The following CREB5 variants were observed in gnomAD, a reference collection of about 807,000 sequenced individuals.
CREB5 encodes cAMP responsive element binding protein 5.
In CREB5, 19 loss-of-function variants were observed where a neutral mutation model predicts 57.1. The ratio of observed to expected loss-of-function variants is 0.33; its 90% CI spans 0.23 to 0.49. The LOEUF (loss-of-function observed/expected upper bound fraction) is 0.49. CREB5 is among the 20% of genes least tolerant of loss of function. The pLI is 0.99. For synonymous variants in CREB5, 238 were observed against 238.3 expected, an observed-to-expected ratio of 1.00 and a Z score of 0.01; for missense variants, 579 against 671.6, an observed-to-expected ratio of 0.86 and a Z score of 1.52.
intron 1 of CREB5, among the ~76,000 whole-genome samples, chr7:28,354,467 T>C (rs556317658): frequency 6.6e-6 from 1 of 152,328 alleles, no homozygotes; most frequent in East Asian, 1.9e-4. Context: ...GGACTCAAAC[T>C]GGCTCTCCTT....
chr7:28,702,486 T>C (rs1801911898), intron 5 of CREB5, among the ~76,000 whole-genome samples: 1 of 152,238 alleles, frequency 6.6e-6, no homozygotes, highest in African/African-American at 2.4e-5. Context: ...TGCTCACTTA[T>C]GTTGGATCAA....
At chr7:28,757,785 AT>A (rs1282790336) in intron 7 of CREB5, among the ~76,000 whole-genome samples, 1 of 151,986 alleles carries the variant, frequency 6.6e-6, no homozygotes, top group African/African-American at 2.4e-5. Flanking sequence ...CAGATTTCAG[AT>A]TTTTTTCAGA....
chr7:28,372,586 G>A (rs1786729874), intron 1 of CREB5, among the ~76,000 whole-genome samples: 1 of 152,184 alleles, frequency 6.6e-6, no homozygotes, highest in Admixed American at 6.5e-5. Context: ...ATTTAACTGG[G>A]ACGATAGTGT....
At chr7:28,516,466 C>G (rs35298927) in intron 4 of CREB5, among the ~76,000 whole-genome samples, 1 of 151,834 alleles carries the variant, frequency 6.6e-6, no homozygotes, top group South Asian at 2.1e-4. Context: ...AATAAATGAC[C>G]GAAAAAAGAA....
In CREB5 at chr7:28,430,038, A is replaced by C. The variant is rs149929836; in HGVS notation, c.3+17121A>C. Among the ~76,000 whole-genome samples the C allele has an allele frequency of 7.3e-3, 1,113 of 152,330 alleles. 10 individuals are homozygous for C. The highest frequency in any genetic ancestry group is 0.013 in the Non-Finnish European group (885 of 68,028). ...TTTGTCAGCATAGGGCTGTATGTAA[A>C]ACAGGATTACATGAGGGAATTATAT... On this transcript the variant is annotated intron_variant, in intron 1 of 10. Transcript: ENST00000357727.
chr7:28,624,998 A>ATT lies in CREB5; in HGVS notation c.464+54478_464+54479dup, dbSNP rs10603623. ...GGTACAGTAGTATCCACCATGTTGGATTTTTTTTTTTTTTTTTTGGTGAGG... is the reference window on the plus strand; with the variant it reads ...GGTACAGTAGTATCCACCATGTTGGATTTTTTTTTTTTTTTTTTTTGGTGAGG... On this transcript the variant is annotated intron_variant, in intron 5 of 10. Transcript: ENST00000357727. 2.1e-3 allele frequency among the ~76,000 whole-genome samples: 286 copies of ATT among 138,382 alleles called. 1 individual carries two copies. Among genetic ancestry groups the ATT allele is most frequent in the Middle Eastern group, 3.6e-3 (1 of 276 alleles). 90.8% of individuals were successfully genotyped at this position (138,382 alleles called of 152,430 possible). A position where few individuals can be genotyped will look rare whatever the true frequency, so the allele number is the denominator to read the frequency against.
upstream of CREB5, chr7:28,410,909 C>T (rs1019376400): frequency 6.5e-5 from 18 of 276,906 alleles, no homozygotes; most frequent in African/African-American, 3.9e-4. Context: ...TCTTTATTGC[C>T]CTCTCTTCCC....
chr7:28,413,027 T>C, intron 1 of CREB5, 110 bp downstream of exon 1: 9 of 1,049,714 alleles, frequency 8.6e-6, no homozygotes, highest in Non-Finnish European at 1.2e-5. Flanking sequence ...GAGTTTAGAT[T>C]TTGCACAAAA....
intron 7 of CREB5, among the ~76,000 whole-genome samples, chr7:28,739,896 C>T (rs1316841851): frequency 6.6e-6 from 1 of 152,224 alleles, no homozygotes; most frequent in Non-Finnish European, 1.5e-5. Flanking sequence ...AGGCTCTCCC[C>T]ACTGGCATAT....
At chr7:28,743,598 G>A (rs553858764) in intron 7 of CREB5, among the ~76,000 whole-genome samples, 71 of 152,230 alleles carry the variant, frequency 4.7e-4, no homozygotes, top group African/African-American at 1.4e-3. Context: ...GTTTGTTAGC[G>A]ATATCCCAAC....
intron 1 of CREB5, among the ~76,000 whole-genome samples, chr7:28,342,860 T>C (rs1232695519): frequency 6.6e-6 from 1 of 152,244 alleles, no homozygotes; most frequent in Admixed American, 6.5e-5. Context: ...ATCAGGGTAG[T>C]TAGCATGTCT....
chr7:28,792,579 C>T (rs528314185), intron 7 of CREB5, among the ~76,000 whole-genome samples: 6 of 152,340 alleles, frequency 3.9e-5, no homozygotes, highest in Middle Eastern at 3.4e-3. Flanking sequence ...ACTTTCTAGA[C>T]ACACACACGG....
intron 1 of CREB5, among the ~76,000 whole-genome samples, chr7:28,442,261 A>T (rs1161487135): frequency 1.3e-5 from 2 of 152,120 alleles, no homozygotes; most frequent in Non-Finnish European, 2.9e-5. Context: ...TGTTCTGTGA[A>T]TGACAGGATT....
At chr7:28,735,561 A>G (rs547497115) in intron 7 of CREB5, among the ~76,000 whole-genome samples, 3 of 152,314 alleles carry the variant, frequency 2.0e-5, no homozygotes, top group Admixed American at 1.3e-4. Flanking sequence ...GTTAAACAGA[A>G]AATATAAGGA....
chr7:28,299,588 C>T (rs1276313127), intron 1 of CREB5: 1 of 152,176 alleles, frequency 6.6e-6, no homozygotes, highest in African/African-American at 2.4e-5. Context: ...AGATATGGAA[C>T]ATTTCCCTCA....
At chr7:28,406,662 C>T (rs1037147230) in intron 1 of CREB5, among the ~76,000 whole-genome samples, 1 of 152,234 alleles carries the variant, frequency 6.6e-6, no homozygotes, top group Admixed American at 6.5e-5. Flanking sequence ...CCATGGCCAC[C>T]GCCAGTGGAG....
chr7:28,300,344 T>A (rs1043373751), intron 1 of CREB5, among the ~76,000 whole-genome samples: 2 of 152,224 alleles, frequency 1.3e-5, no homozygotes, highest in African/African-American at 4.8e-5. Context: ...ATTACATTTA[T>A]ATGCCGTCAA....
chr7:28,473,896 G>A lies in CREB5; in HGVS notation c.4-14279G>A, dbSNP rs546933460. 2.2e-4 allele frequency among the ~76,000 whole-genome samples: 34 copies of A among 152,328 alleles called. No individual in the cohort carries two copies. In the South Asian group the frequency reaches 3.1e-3, roughly 14 times the overall value. On this transcript the variant is annotated intron_variant, in intron 1 of 10. Transcript: ENST00000357727. ...CCCTTGTACTTTGAAGATTTCTAGC[G>A]AGTGTTTTAGGGTGTACCTTTAAGT...
chr7:28,426,938 C>T (rs987119743), intron 1 of CREB5, among the ~76,000 whole-genome samples: 2 of 152,150 alleles, frequency 1.3e-5, no homozygotes, highest in Non-Finnish European at 2.9e-5. Context: ...CTCATTGCTG[C>T]CATAAACTTC....
Sources: allele counts gnomAD v4.1 joint callset (sites outside exome capture counted in the v4.1 genomes callset), GRCh38; gene constraint gnomAD v4.1.1; transcripts MANE v1.5; gene names NCBI Gene and HGNC (gene_info 2026-07-23, HGNC 2026-07-21).